The following TECTB variants were observed in gnomAD, a reference collection of about 807,000 sequenced individuals.
TECTB encodes beta-tectorin.
In TECTB, 45 loss-of-function variants were observed where a neutral mutation model predicts 43.3. That is an observed-to-expected ratio of 1.04 (90% CI 0.82 to 1.33). The LOEUF (loss-of-function observed/expected upper bound fraction) is 1.33, where lower values mean the gene tolerates loss of function less well. Ranked by LOEUF, TECTB falls within the 40% of genes most tolerant of loss-of-function variation. TECTB has a pLI of 0.00. For synonymous variants in TECTB, 169 were observed against 156.7 expected (o/e 1.08, Z -0.59); for missense variants, 399 against 404.7 (o/e 0.99, Z 0.12).
At chr10:112,301,974 G>A (rs997481362) in intron 9 of TECTB, 127 bp from the exon 10 acceptor site, 3 of 1,121,972 alleles carry the variant, frequency 2.7e-6, no homozygotes, top group Admixed American at 2.2e-5. Flanking sequence ...GCCTCCCAAA[G>A]TGCTGGGATT....
At position 112,285,400 on chromosome 10, in the gene TECTB, T is replaced by C. The variant is rs116308495; in HGVS notation, c.268-671T>C. Among the ~76,000 whole-genome samples, 771 of 152,248 alleles carry C rather than the reference T, an allele frequency of 5.1e-3. 6 individuals carry two copies. The highest frequency in any genetic ancestry group is 0.018 in the African/African-American group (744 of 41,546). On this transcript the variant is annotated intron_variant, in intron 3 of 10. Coordinates refer to ENST00000646139, the MANE Select transcript of TECTB (RefSeq NM_058222.3). The stretch of plus-strand genomic sequence containing the variant: ...CTGTGCATCTATCCATCTCAGAGCA[T>C]GAGAGCAAAGAGCTTCCAGGGCCAG...
At chr10:112,289,145 G>A (rs1848477713) in intron 5 of TECTB, among the ~76,000 whole-genome samples, 1 of 152,170 alleles carries the variant, frequency 6.6e-6, no homozygotes, top group Non-Finnish European at 1.5e-5. Flanking sequence ...CACAGTGCCT[G>A]GTACAAGTTA....
intron 5 of TECTB, among the ~76,000 whole-genome samples, chr10:112,287,608 GC>G (rs1848465289): frequency 6.6e-6 from 1 of 152,186 alleles, no homozygotes; most frequent in Admixed American, 6.5e-5. Context: ...GAAGCTATCA[GC>G]CCTGCTGAAC....
At chr10:112,288,379 C>A (rs1472936956) in intron 5 of TECTB, among the ~76,000 whole-genome samples, 1 of 152,006 alleles carries the variant, frequency 6.6e-6, no homozygotes, top group African/African-American at 2.4e-5. Context: ...CTCAGCATCC[C>A]CCAGGCCATC....
In TECTB at chr10:112,290,886, G is replaced by A. The variant is rs143601691; in HGVS notation, c.484-2852G>A. Among the ~76,000 whole-genome samples the A allele has an allele frequency of 1.2e-3, 190 of 152,314 alleles. 1 individual carries two copies. The highest frequency in any genetic ancestry group is 7.9e-3 in the East Asian group (41 of 5,184). On this transcript the variant is annotated intron_variant, in intron 5 of 10. Coordinates refer to ENST00000646139, the MANE Select transcript of TECTB (RefSeq NM_058222.3). ...GCAGCCCTTGCTGGACTTGCCATCA[G>A]TAAAATAATGTCAGAGGTACTAGGA... is the stretch of plus-strand genomic sequence containing the variant.
chr10:112,295,535 C>A (rs1410670834), intron 7 of TECTB, among the ~76,000 whole-genome samples: 1 of 152,218 alleles, frequency 6.6e-6, no homozygotes, highest in Admixed American at 6.5e-5. Context: ...GACAGGCTGG[C>A]CGAGGCACAC....
chr10:112,284,686 A>C lies in TECTB; in HGVS notation c.228A>C (p.Leu76Phe), dbSNP rs372156464. Residue 76 changes from leucine (L) to phenylalanine (F), a missense_variant, in exon 3 of 11, where the codon TTA becomes TTC. Coordinates refer to ENST00000646139, the MANE Select transcript of TECTB (RefSeq NM_058222.3). ...ACTACCAATTTGTGATCCCAGATTT[A>C]TCACCTAAAAACAAGTCCTATTGTG... ...GGYYQFVIPD[L>F]SPKNKSYCGT... is the part of the protein sequence containing the mutation. The C allele has an allele frequency of 3.7e-6, 6 of 1,611,148 alleles. No individual in the cohort carries two copies. The highest frequency in any genetic ancestry group is 8.5e-7 in the Non-Finnish European group (1 of 1,178,696).
chr10:112,294,526 A>T (rs1407512955), intron 7 of TECTB, among the ~76,000 whole-genome samples: 1 of 152,188 alleles, frequency 6.6e-6, no homozygotes, highest in Non-Finnish European at 1.5e-5. Flanking sequence ...AGCAGATGGT[A>T]CTTGCTAGAT....
At chr10:112,297,713 T>G (rs1848561270) in intron 7 of TECTB, among the ~76,000 whole-genome samples, 1 of 152,258 alleles carries the variant, frequency 6.6e-6, no homozygotes, top group South Asian at 2.1e-4. Flanking sequence ...CTGGTGCCAT[T>G]GTCCTTACTT....
intron 8 of TECTB, 114 bp downstream of exon 8, chr10:112,298,345 A>G: frequency 7.4e-7 from 1 of 1,353,720 alleles, no homozygotes; most frequent in Middle Eastern, 2.0e-4. Context: ...TGCTGAGGAC[A>G]TCTGGAGGAA....
chr10:112,289,114 TA>T (rs1233389769), intron 5 of TECTB, among the ~76,000 whole-genome samples: 1 of 152,142 alleles, frequency 6.6e-6, no homozygotes, highest in Non-Finnish European at 1.5e-5. Flanking sequence ...TTAAATGAAA[TA>T]ATCTTTAGGA....
rs1414004707 is a variant in TECTB, at chr10:112,303,495, GA to G, written c.*188del. 7 of 708,848 alleles carry G rather than the reference GA, an allele frequency of 9.9e-6. No individual in the cohort carries two copies. The highest frequency in any genetic ancestry group is 2.6e-5 in the Admixed American group (1 of 39,126). 43.9% of individuals were successfully genotyped at this position (708,848 alleles called of 1,614,324 possible). ...TTTGGTGATGCCTTTTTCTTTCTAAGAAAAACTTAGGCTACTTCCCGTGGCC... is the reference window on the plus strand; with the variant it reads ...TTTGGTGATGCCTTTTTCTTTCTAAGAAAACTTAGGCTACTTCCCGTGGCC... On this transcript the variant is annotated 3_prime_UTR_variant, in exon 11 of 11. Coordinates refer to ENST00000646139, the MANE Select transcript of TECTB (RefSeq NM_058222.3).
rs1031536130 is a variant in TECTB at position 112,298,095 on chromosome 10, T to C, written c.698T>C (p.Val233Ala). ...TGCCCCACGGATGAAACCGTCCTCGTGCATGAGAATGGGAGAGATCACAGG... is the reference window on the plus strand; with the variant it reads ...TGCCCCACGGATGAAACCGTCCTCGCGCATGAGAATGGGAGAGATCACAGG... ...KGCPTDETVL[V>A]HENGRDHRAT... Residue 233 changes from valine to alanine, a missense_variant, in exon 8 of 11, where the codon GTG becomes GCG. Coordinates refer to ENST00000646139, the MANE Select transcript of TECTB (RefSeq NM_058222.3). 1 of 1,614,234 alleles carries C rather than the reference T, an allele frequency of 6.2e-7. No individual in the cohort carries two copies. Among genetic ancestry groups the C allele is most frequent in the Non-Finnish European group, 8.5e-7 (1 of 1,180,038 alleles).
chr10:112,294,395 C>T (rs10885326), intron 7 of TECTB, among the ~76,000 whole-genome samples: 8 of 151,806 alleles, frequency 5.3e-5, no homozygotes, highest in Admixed American at 3.3e-4. Context: ...TGTGCGCATG[C>T]GTGTGTGTGC....
In TECTB at chr10:112,303,241, TCC is replaced by T. The variant is rs1197025393; in HGVS notation, c.941-20_941-19del. On this transcript the variant is annotated intron_variant, in intron 10 of 10. Transcript: ENST00000646139. The stretch of plus-strand genomic sequence containing the variant: ...TGTAGAACTGTCTCTGAGTGCCATC[TCC>T]CTCCCCTTCTGGTCCACAGATGTTC... The T allele has an allele frequency of 1.2e-6, 2 of 1,613,984 alleles. No homozygotes were observed. Among genetic ancestry groups the T allele is most frequent in the South Asian group, 2.2e-5 (2 of 91,068 alleles).
At chr10:112,291,986 A>T (rs1000649418) in intron 5 of TECTB, among the ~76,000 whole-genome samples, 1 of 152,110 alleles carries the variant, frequency 6.6e-6, no homozygotes, top group Non-Finnish European at 1.5e-5. Context: ...AATACAAAAA[A>T]TTAGCCGGGC....
intron 7 of TECTB, among the ~76,000 whole-genome samples, chr10:112,297,798 A>C (rs1031442671): frequency 7.2e-5 from 11 of 152,014 alleles, no homozygotes; most frequent in African/African-American, 2.4e-4. Flanking sequence ...TTTCTTTGGG[A>C]CACAGGTGTA....
chr10:112,292,063 G>A (rs1469154880), intron 5 of TECTB, among the ~76,000 whole-genome samples: 3 of 151,442 alleles, frequency 2.0e-5, no homozygotes, highest in African/African-American at 7.3e-5. Flanking sequence ...GTGAACCCGG[G>A]AGGCAGAGTT....
intron 5 of TECTB, among the ~76,000 whole-genome samples, chr10:112,289,629 C>T (rs1290191192): frequency 1.3e-5 from 2 of 152,160 alleles, no homozygotes; most frequent in Non-Finnish European, 2.9e-5. Context: ...CAAATATGTC[C>T]ACCTTCTCCA....
Sources: gnomAD v4.1 joint callset for allele counts (sites outside exome capture counted in the v4.1 genomes callset) on GRCh38, gnomAD v4.1.1 for gene constraint, MANE v1.5 for transcripts, NCBI Gene and HGNC (gene_info 2026-07-23, HGNC 2026-07-21) for gene names.